CRADD: variants seen among roughly 807,000 people sequenced by gnomAD.
The protein encoded by CRADD is death domain-containing protein CRADD.
A neutral mutation model predicts 15.5 loss-of-function variants in CRADD; 9 were observed. That is an observed-to-expected ratio of 0.58 (90% CI 0.35 to 1.01). The LOEUF (loss-of-function observed/expected upper bound fraction) is 1.01. CRADD is among the 50% of genes least tolerant of loss of function. CRADD has a pLI of 0.02. For missense variants in CRADD, 227 were observed against 250.3 expected (o/e 0.91, Z 0.63); for synonymous variants, 118 against 107.6 (o/e 1.10, Z -0.60).
chr12:93,821,169 A>G (rs1156677041), intron 2 of CRADD, among the ~76,000 whole-genome samples: 5 of 152,224 alleles, frequency 3.3e-5, no homozygotes, highest in Non-Finnish European at 5.9e-5. Context: ...AGATGTGAAG[A>G]CATTGGACCC....
intron 2 of CRADD, among the ~76,000 whole-genome samples, chr12:93,787,233 T>A (rs1185794834): frequency 1.3e-5 from 2 of 149,502 alleles, no homozygotes; most frequent in Non-Finnish European, 3.0e-5. Context: ...GTCAGCCTCA[T>A]GGGTGGTGGT....
At chr12:93,774,157 A>C (rs1957117756) in intron 2 of CRADD, among the ~76,000 whole-genome samples, 1 of 152,052 alleles carries the variant, frequency 6.6e-6, no homozygotes, top group Non-Finnish European at 1.5e-5. Flanking sequence ...TTTCAAGTGA[A>C]CCTGGGAAAT....
chr12:93,727,608 A>G (rs1208946194), intron 2 of CRADD, among the ~76,000 whole-genome samples: 1 of 152,196 alleles, frequency 6.6e-6, no homozygotes, highest in Non-Finnish European at 1.5e-5. Context: ...AAGCTGTAGT[A>G]ACTCAGCTGG....
chr12:93,766,447 A>ACTT (rs1705477574), intron 2 of CRADD, among the ~76,000 whole-genome samples: 1 of 152,178 alleles, frequency 6.6e-6, no homozygotes, highest in South Asian at 2.1e-4. Context: ...AAGCTAATAG[A>ACTT]CTTCCAATTG....
intron 2 of CRADD, among the ~76,000 whole-genome samples, chr12:93,749,378 A>G (rs977377671): frequency 2.6e-5 from 4 of 152,212 alleles, no homozygotes; most frequent in Non-Finnish European, 5.9e-5. Flanking sequence ...GCTGAGCCTT[A>G]TAAGTCCTGG....
chr12:93,763,123 A>G (rs1269921762), intron 2 of CRADD, among the ~76,000 whole-genome samples: 2 of 152,270 alleles, frequency 1.3e-5, no homozygotes. Context: ...CTCCCTTGAC[A>G]GATGACGAGG....
At chr12:93,881,251 T>C (rs17021668) in intron 2 of CRADD, among the ~76,000 whole-genome samples, 11,005 of 152,214 alleles carry the variant, frequency 0.072, 527 homozygotes, top group East Asian at 0.18. Flanking sequence ...CTGAGTCCTC[T>C]CAGAAAGGAA....
chr12:93,692,880 T>C (rs1010131105), intron 2 of CRADD, among the ~76,000 whole-genome samples: 1 of 152,160 alleles, frequency 6.6e-6, no homozygotes, highest in Admixed American at 6.5e-5. Flanking sequence ...GATGAAACTA[T>C]TAAAATGGAT....
intron 2 of CRADD, among the ~76,000 whole-genome samples, chr12:93,864,069 T>C (rs895192350): frequency 2.0e-5 from 3 of 152,162 alleles, no homozygotes; most frequent in African/African-American, 7.2e-5. Context: ...TATGTATTTA[T>C]TTACTGTTAT....
At chr12:93,818,521 T>C (rs1565925983) in intron 2 of CRADD, among the ~76,000 whole-genome samples, 1 of 151,932 alleles carries the variant, frequency 6.6e-6, no homozygotes, top group Non-Finnish European at 1.5e-5. Flanking sequence ...CCTAGACGGG[T>C]TTTGTCTTGA....
chr12:93,752,003 G>A (rs540093160), intron 2 of CRADD, among the ~76,000 whole-genome samples: 30 of 152,284 alleles, frequency 2.0e-4, no homozygotes, highest in African/African-American at 6.7e-4. Flanking sequence ...GGAGGTAGTC[G>A]GGCCGGCAAG....
At chr12:93,813,164 A>G (rs1392396420) in intron 2 of CRADD, among the ~76,000 whole-genome samples, 1 of 152,218 alleles carries the variant, frequency 6.6e-6, no homozygotes, top group Non-Finnish European at 1.5e-5. Flanking sequence ...ACTAACACCT[A>G]TTTTGTAACT....
intron 2 of CRADD, chr12:93,738,604 C>T (rs1956621836): frequency 1.7e-6 from 1 of 599,090 alleles, no homozygotes; most frequent in Admixed American, 2.9e-5. Context: ...ACACGCCAGC[C>T]CTTAATAAAA....
At chr12:93,744,251 C>T (rs919871399) in intron 2 of CRADD, among the ~76,000 whole-genome samples, 1 of 152,172 alleles carries the variant, frequency 6.6e-6, no homozygotes, top group African/African-American at 2.4e-5. Flanking sequence ...CTTCCAGGCT[C>T]ACTGGCAGAA....
chr12:93,874,215 T>G (rs1427603034), intron 2 of CRADD, among the ~76,000 whole-genome samples: 1 of 152,134 alleles, frequency 6.6e-6, no homozygotes, highest in Non-Finnish European at 1.5e-5. Context: ...CTTATAGATT[T>G]TCCAATTTAT....
chr12:93,894,014 T>A, intron 2 of CRADD: 1 of 702,394 alleles, frequency 1.4e-6, no homozygotes, highest in Non-Finnish European at 2.6e-6. Context: ...ATCGCCATAC[T>A]CCCTTGATTT....
rs547933322 is a variant in CRADD, at chr12:93,840,786, C to T, written c.299-9184C>T. Among the ~76,000 whole-genome samples, 16 of 152,108 alleles carry T rather than the reference C, an allele frequency of 1.1e-4. No homozygotes were observed. In the East Asian group the frequency reaches 1.7e-3, roughly 17 times the overall value. ...TTCTCCATGTTGGTCAGGCTGGTCT[C>T]GAACTCCCGACCTAAGGTGATCTGC... On this transcript the variant is annotated intron_variant, in intron 2 of 2. Coordinates refer to ENST00000332896, the MANE Select transcript of CRADD (RefSeq NM_003805.5).
rs367823934 is a variant in CRADD at position 93,819,174 on chromosome 12, G to A, written c.299-30796G>A. ...GCCTATGAGGGCTTGCTCTGTGTGCGTACTCTTGGCAGCTTTATAAAGGAT... is the reference window on the plus strand; with the variant it reads ...GCCTATGAGGGCTTGCTCTGTGTGCATACTCTTGGCAGCTTTATAAAGGAT... On this transcript the variant is annotated intron_variant, in intron 2 of 2. Transcript: ENST00000332896. 5.9e-5 allele frequency among the ~76,000 whole-genome samples: 9 copies of A among 152,302 alleles called. No homozygotes were observed. The East Asian group carries it at 9.7e-4, about 16-fold the overall frequency.
chr12:93,739,510 TAA>T lies in CRADD; in HGVS notation c.298+60439_298+60440del, dbSNP rs762922645. Among the ~76,000 whole-genome samples the T allele has an allele frequency of 5.9e-5, 9 of 151,752 alleles. No homozygotes were observed. In the East Asian group the frequency reaches 1.2e-3, roughly 19 times the overall value. Reference sequence around the variant, plus strand: ...GGAGTTCCTAAAAAAAAAAAGCTATTAAGATTAAATATCATAAAAATCTTTCT... The same window carrying T: ...GGAGTTCCTAAAAAAAAAAAGCTATTGATTAAATATCATAAAAATCTTTCT... On this transcript the variant is annotated intron_variant, in intron 2 of 2. Transcript: ENST00000332896.
Sources: allele counts gnomAD v4.1 joint callset (sites outside exome capture counted in the v4.1 genomes callset), GRCh38; gene constraint gnomAD v4.1.1; transcripts MANE v1.5; gene names NCBI Gene and HGNC (gene_info 2026-07-23, HGNC 2026-07-21).